The following RNF17 variants were observed in gnomAD, a reference collection of about 807,000 sequenced individuals.
RNF17 encodes ring finger protein 17.
A neutral mutation model predicts 200.5 loss-of-function variants in RNF17; 31 were observed. That is an observed-to-expected ratio of 0.15 (90% CI 0.12 to 0.21). The LOEUF is 0.21. Among genes scored for constraint, RNF17 ranks in the 10% least tolerant of loss-of-function variants. The probability of loss-of-function intolerance (pLI) is 1.00; values close to 1 mark genes in which losing one functional copy is unlikely to be tolerated. For missense variants in RNF17, 1,628 were observed against 1,905.1 expected (o/e 0.85, Z 2.71); for synonymous variants, 606 against 637.8 (o/e 0.95, Z 0.75).
At chr13:24,809,104 C>A (rs1247398053) in intron 15 of RNF17, among the ~76,000 whole-genome samples, 6 of 151,046 alleles carry the variant, frequency 4.0e-5, no homozygotes, top group African/African-American at 1.5e-4. Flanking sequence ...GTCTAAAATT[C>A]TCTTTTTTGG....
the RNF17 span, among the ~76,000 whole-genome samples, chr13:24,756,271 A>T: frequency 6.6e-6 from 1 of 152,222 alleles, no homozygotes; most frequent in Non-Finnish European, 1.5e-5. Context: ...GCCAAAAAGT[A>T]ATATATGAAT....
chr13:24,830,102 C>G (rs1171609480), intron 16 of RNF17, among the ~76,000 whole-genome samples: 1 of 152,122 alleles, frequency 6.6e-6, no homozygotes, highest in African/African-American at 2.4e-5. Context: ...GTAACTTGCT[C>G]AGGGTAATAT....
chr13:24,756,126 C>T, the RNF17 span, among the ~76,000 whole-genome samples: 27 of 152,058 alleles, frequency 1.8e-4, no homozygotes, highest in Non-Finnish European at 3.8e-4. Context: ...CCTGAATGTA[C>T]CCATTTGATA....
At chr13:24,775,257 A>G (rs1040828835) in intron 3 of RNF17, among the ~76,000 whole-genome samples, 18 of 152,122 alleles carry the variant, frequency 1.2e-4, no homozygotes, top group African/African-American at 4.3e-4. Flanking sequence ...TAAAATTCTA[A>G]GTTTTTTTAA....
At chr13:24,753,591 G>A in the RNF17 span, among the ~76,000 whole-genome samples, 1 of 152,146 alleles carries the variant, frequency 6.6e-6, no homozygotes, top group Non-Finnish European at 1.5e-5. Context: ...GGCCTGAGAT[G>A]GGTCTGAGAA....
rs2138388494 is a variant in RNF17 at position 24,868,594 on chromosome 13, T to G, written c.4162-6T>G. On this transcript the variant is annotated splice_polypyrimidine_tract_variant and splice_region_variant and intron_variant, in intron 30 of 35. Transcript: ENST00000255324. Reference sequence around the variant, plus strand: ...CTGAAATTTGAATTTTTCTGTGGTGTTTTAGGAATTGCTTTCGGCTGAAAC... The same window carrying G: ...CTGAAATTTGAATTTTTCTGTGGTGGTTTAGGAATTGCTTTCGGCTGAAAC... The G allele has an allele frequency of 3.4e-6, 5 of 1,486,142 alleles. No homozygotes were observed. The highest frequency in any genetic ancestry group is 4.7e-6 in the Non-Finnish European group (5 of 1,064,230). 92.1% of individuals were successfully genotyped at this position (1,486,142 alleles called of 1,614,324 possible).
At chr13:24,759,079 C>T in the RNF17 span, among the ~76,000 whole-genome samples, 1 of 65,368 alleles carries the variant, frequency 1.5e-5, no homozygotes, top group East Asian at 5.0e-4. Flanking sequence ...ACTGTGTCTC[C>T]AAAAAAAAAA....
intron 15 of RNF17, among the ~76,000 whole-genome samples, chr13:24,825,299 G>T (rs1450381080): frequency 6.6e-6 from 1 of 150,720 alleles, no homozygotes; most frequent in Non-Finnish European, 1.5e-5. Context: ...ATAGAAAAAT[G>T]TAAGTGATTG....
chr13:24,832,639 A>G (rs1357579752), intron 18 of RNF17, among the ~76,000 whole-genome samples: 3 of 152,218 alleles, frequency 2.0e-5, no homozygotes, highest in Non-Finnish European at 4.4e-5. Context: ...TATTAGATAC[A>G]TATACACGAT....
At chr13:24,754,084 G>T in the RNF17 span, among the ~76,000 whole-genome samples, 119 of 151,914 alleles carry the variant, frequency 7.8e-4, 1 homozygote, top group African/African-American at 2.8e-3. Context: ...CTTGAACCCG[G>T]GAGGCGGAAG....
intron 5 of RNF17, 102 bp from the exon 6 acceptor site, chr13:24,781,742 T>A: frequency 1.4e-6 from 1 of 713,136 alleles, no homozygotes. Context: ...TCTTGTGTTA[T>A]TTTGAAGAGT....
the RNF17 span, among the ~76,000 whole-genome samples, chr13:24,748,191 AG>A: frequency 7.2e-5 from 11 of 152,208 alleles, no homozygotes; most frequent in Admixed American, 4.6e-4. Flanking sequence ...CCCCTAATTG[AG>A]TTATCGTGAC....
At chr13:24,764,163 G>A, upstream of RNF17, 1 of 1,546,526 alleles carries the variant, frequency 6.5e-7, no homozygotes, top group Non-Finnish European at 8.8e-7. Flanking sequence ...AGGGCCGCCG[G>A]GACTCGCACT....
the RNF17 span, chr13:24,885,457 TC>T: frequency 1.1e-5 from 13 of 1,222,506 alleles, no homozygotes; most frequent in African/African-American, 3.0e-5. Flanking sequence ...GATATAGGGT[TC>T]TAGGACTAGT....
chr13:24,800,673 A>C, intron 13 of RNF17, 139 bp downstream of exon 13: 1 of 588,562 alleles, frequency 1.7e-6, no homozygotes, highest in Non-Finnish European at 2.7e-6. Context: ...TGTTAGTTCT[A>C]ATAGAAAAGG....
intron 16 of RNF17, among the ~76,000 whole-genome samples, chr13:24,827,275 CATT>C (rs1305238696): frequency 6.6e-6 from 1 of 151,624 alleles, no homozygotes; most frequent in African/African-American, 2.4e-5. Context: ...ATGTTTTTTC[CATT>C]ATTAAGGTAA....
At chr13:24,882,086 CTATATATATAGATACATCTATATAGA>C (rs1953868736), downstream of RNF17, among the ~76,000 whole-genome samples, 7 of 5,690 alleles carry the variant, frequency 1.2e-3, 1 homozygote, top group African/African-American at 2.7e-3. Context: ...ATAGATACAT[CTATATATATAGATACATCTATATAGA>C]TATATAGATA....
chr13:24,761,656 T>C (rs1878751490), upstream of RNF17, among the ~76,000 whole-genome samples: 1 of 152,214 alleles, frequency 6.6e-6, no homozygotes, highest in African/African-American at 2.4e-5. Flanking sequence ...CATTAAGGTT[T>C]TGTTGTAATT....
At chr13:24,808,805 T>C (rs1327906501) in intron 15 of RNF17, among the ~76,000 whole-genome samples, 1 of 105,914 alleles carries the variant, frequency 9.4e-6, no homozygotes, top group Non-Finnish European at 1.9e-5. Flanking sequence ...TCTTATTATT[T>C]TGAGATACGT....
Sources: allele counts gnomAD v4.1 joint callset (sites outside exome capture counted in the v4.1 genomes callset), GRCh38; gene constraint gnomAD v4.1.1; transcripts MANE v1.5; gene names NCBI Gene and HGNC (gene_info 2026-07-23, HGNC 2026-07-21).